AGBL4: variants seen among roughly 807,000 people sequenced by gnomAD.
AGBL4 encodes the protein cytosolic carboxypeptidase 6.
Under a neutral mutation model 66.4 loss-of-function variants are expected in AGBL4, and 58 were observed. The observed-to-expected ratio is 0.87, with a 90% CI of 0.71 to 1.09. The LOEUF (loss-of-function observed/expected upper bound fraction) is 1.09. Among genes scored for constraint, AGBL4 ranks in the 50% least tolerant of loss-of-function variants. The pLI is 0.00. For missense variants in AGBL4, 579 were observed against 631.0 expected, an observed-to-expected ratio of 0.92 and a Z score of 0.88; for synonymous variants, 234 against 222.9, an observed-to-expected ratio of 1.05 and a Z score of -0.44.
chr1:49,264,753 C>A (rs1653560220), intron 3 of AGBL4, among the ~76,000 whole-genome samples: 1 of 152,186 alleles, frequency 6.6e-6, no homozygotes, highest in South Asian at 2.1e-4. Flanking sequence ...CTGTGTTGCC[C>A]AGGCTGGTCT....
At chr1:48,538,056 C>T (rs1355357543) in intron 12 of AGBL4, among the ~76,000 whole-genome samples, 1 of 152,150 alleles carries the variant, frequency 6.6e-6, no homozygotes, top group Non-Finnish European at 1.5e-5. Context: ...ACGTGATTCT[C>T]CTGCAAGAGT....
At chr1:48,577,010 T>C (rs1644664541) in intron 11 of AGBL4, among the ~76,000 whole-genome samples, 1 of 152,254 alleles carries the variant, frequency 6.6e-6, no homozygotes, top group African/African-American at 2.4e-5. Flanking sequence ...ACTCAACATC[T>C]TTGTTCCAAT....
At chr1:49,926,766 A>G (rs1275182335) in intron 1 of AGBL4, among the ~76,000 whole-genome samples, 1 of 152,216 alleles carries the variant, frequency 6.6e-6, no homozygotes, top group African/African-American at 2.4e-5. Context: ...TGAAGAATGC[A>G]TCTGGGTCTC....
intron 1 of AGBL4, among the ~76,000 whole-genome samples, chr1:49,853,576 T>C (rs1455463636): frequency 6.6e-6 from 1 of 152,042 alleles, no homozygotes; most frequent in African/African-American, 2.4e-5. Flanking sequence ...AGCAGAAAGA[T>C]ACCTGAAGAT....
At chr1:49,030,121 ATGG>A (rs1664082657) in intron 5 of AGBL4, among the ~76,000 whole-genome samples, 1 of 152,138 alleles carries the variant, frequency 6.6e-6, no homozygotes, top group South Asian at 2.1e-4. Flanking sequence ...GATACATGCT[ATGG>A]ACTGAATATT....
At chr1:49,219,526 A>C (rs1649337504) in intron 4 of AGBL4, among the ~76,000 whole-genome samples, 1 of 152,178 alleles carries the variant, frequency 6.6e-6, no homozygotes, top group African/African-American at 2.4e-5. Flanking sequence ...AAGATAATGC[A>C]TGATACACAT....
intron 2 of AGBL4, among the ~76,000 whole-genome samples, chr1:49,795,481 C>G (rs911480261): frequency 6.6e-6 from 1 of 151,974 alleles, no homozygotes; most frequent in Non-Finnish European, 1.5e-5. Context: ...GGAAAAATCA[C>G]TGGTGTCCTG....
chr1:49,783,912 C>G (rs1271504844), intron 2 of AGBL4, among the ~76,000 whole-genome samples: 1 of 151,970 alleles, frequency 6.6e-6, no homozygotes, highest in Non-Finnish European at 1.5e-5. Flanking sequence ...AAGAGCATCA[C>G]AAATACTTAG....
intron 9 of AGBL4, among the ~76,000 whole-genome samples, chr1:48,619,407 T>A (rs934948351): frequency 7.9e-5 from 12 of 152,160 alleles, no homozygotes; most frequent in Admixed American, 7.2e-4. Flanking sequence ...GCCTTAGTTT[T>A]CTCACCTTAG....
chr1:49,910,405 T>C (rs938307925), intron 1 of AGBL4, among the ~76,000 whole-genome samples: 2 of 152,112 alleles, frequency 1.3e-5, no homozygotes, highest in African/African-American at 2.4e-5. Flanking sequence ...AGTGGAGTAG[T>C]GGGCAATGAA....
At chr1:49,488,303 A>G (rs1343464053) in intron 3 of AGBL4, among the ~76,000 whole-genome samples, 1 of 151,532 alleles carries the variant, frequency 6.6e-6, no homozygotes, top group African/African-American at 2.4e-5. Flanking sequence ...TTTGTATTTT[A>G]TCATGTATGA....
At chr1:48,650,773 C>T (rs1645916818) in intron 8 of AGBL4, among the ~76,000 whole-genome samples, 1 of 152,156 alleles carries the variant, frequency 6.6e-6, no homozygotes, top group African/African-American at 2.4e-5. Context: ...ATGTGGACCC[C>T]CTCTCACTTA....
rs1644972173 is a variant in AGBL4, at chr1:49,313,163, TG to T, written c.283-67300del. On this transcript the variant is annotated intron_variant, in intron 3 of 13. Coordinates refer to ENST00000371839, the MANE Select transcript of AGBL4 (RefSeq NM_032785.4). ...TCTTGTTTTAGCTTGCTGAGAATGATGGTTTCCAGCTTCATCCATGTCCCTG... is the reference window on the plus strand; with the variant it reads ...TCTTGTTTTAGCTTGCTGAGAATGATGTTTCCAGCTTCATCCATGTCCCTG... Among the ~76,000 whole-genome samples the T allele has an allele frequency of 4.6e-5, 7 of 152,238 alleles. No homozygotes were observed. The South Asian group carries it at 1.2e-3, about 27-fold the overall frequency.
chr1:49,571,488 T>C (rs1387083035), intron 3 of AGBL4, among the ~76,000 whole-genome samples: 1 of 152,118 alleles, frequency 6.6e-6, no homozygotes, highest in East Asian at 1.9e-4. Context: ...GCCTTTAGGT[T>C]GTTCTAAATA....
intron 4 of AGBL4, among the ~76,000 whole-genome samples, chr1:49,182,002 C>G (rs1646937936): frequency 6.6e-6 from 1 of 152,186 alleles, no homozygotes; most frequent in Non-Finnish European, 1.5e-5. Flanking sequence ...GCAGTGGTAT[C>G]TGGTGGATCT....
At chr1:49,647,458 T>G (rs1373111933) in intron 3 of AGBL4, among the ~76,000 whole-genome samples, 1 of 152,116 alleles carries the variant, frequency 6.6e-6, no homozygotes. Flanking sequence ...TCTTAATTGA[T>G]GAATTGCTGG....
intron 5 of AGBL4, among the ~76,000 whole-genome samples, chr1:48,923,157 G>T (rs1654239225): frequency 6.6e-6 from 1 of 151,748 alleles, no homozygotes. Context: ...GATAGAAAAG[G>T]CTGACTTTCC....
intron 4 of AGBL4, among the ~76,000 whole-genome samples, chr1:49,206,827 T>C (rs1181290696): frequency 7.5e-6 from 1 of 134,182 alleles, no homozygotes; most frequent in African/African-American, 2.9e-5. Context: ...GTGAAAACTT[T>C]ATAAAGAACT....
chr1:48,815,062 T>C (rs1381955319), intron 6 of AGBL4, among the ~76,000 whole-genome samples: 1 of 152,220 alleles, frequency 6.6e-6, no homozygotes, highest in Admixed American at 6.5e-5. Context: ...TTCCAGCATT[T>C]ATTATTTTTG....
Sources: allele counts gnomAD v4.1 joint callset (sites outside exome capture counted in the v4.1 genomes callset), GRCh38; gene constraint gnomAD v4.1.1; transcripts MANE v1.5; gene names NCBI Gene and HGNC (gene_info 2026-07-23, HGNC 2026-07-21).